LPP: variants seen among roughly 807,000 people sequenced by gnomAD.
LPP encodes the protein LIM domain containing preferred translocation partner in lipoma.
A neutral mutation model predicts 60.4 loss-of-function variants in LPP; 38 were observed. That is an observed-to-expected ratio of 0.63 (90% CI 0.49 to 0.83). LPP has a LOEUF of 0.83. Among genes scored for constraint, LPP ranks in the 40% least tolerant of loss-of-function variants. LPP has a pLI of 0.00. For missense variants in LPP, 902 were observed against 783.6 expected, an observed-to-expected ratio of 1.15 and a Z score of -1.80; for synonymous variants, 328 against 290.8, an observed-to-expected ratio of 1.13 and a Z score of -1.30.
intron 9 of LPP, among the ~76,000 whole-genome samples, chr3:188,807,455 G>C (rs1749511719): frequency 6.6e-6 from 1 of 151,524 alleles, no homozygotes; most frequent in African/African-American, 2.4e-5. Context: ...ATTTTGTTTT[G>C]GTGGTTTGTT....
At chr3:188,446,374 T>A (rs1467959940) in intron 4 of LPP, among the ~76,000 whole-genome samples, 1 of 152,212 alleles carries the variant, frequency 6.6e-6, no homozygotes, top group African/African-American at 2.4e-5. Flanking sequence ...GCCCTCAAGG[T>A]CAAAACATCA....
At chr3:188,813,064 A>G (rs1438941237) in intron 9 of LPP, among the ~76,000 whole-genome samples, 3 of 152,128 alleles carry the variant, frequency 2.0e-5, no homozygotes, top group Non-Finnish European at 4.4e-5. Flanking sequence ...ATTTTCCCCA[A>G]TTCCTGGAGC....
At chr3:188,277,236 G>T (rs149991359) in intron 2 of LPP, among the ~76,000 whole-genome samples, 1 of 151,984 alleles carries the variant, frequency 6.6e-6, no homozygotes, top group Non-Finnish European at 1.5e-5. Flanking sequence ...CCAATCTCGG[G>T]TATTTCTTTA....
intron 2 of LPP, among the ~76,000 whole-genome samples, chr3:188,234,214 G>A (rs1001154370): frequency 2.6e-4 from 39 of 152,162 alleles, no homozygotes; most frequent in Non-Finnish European, 4.4e-5. Context: ...GAGGAATGGG[G>A]TAAGGGGTTT....
intron 1 of LPP, among the ~76,000 whole-genome samples, chr3:188,177,759 C>G (rs1022273362): frequency 6.6e-6 from 1 of 152,098 alleles, no homozygotes; most frequent in Non-Finnish European, 1.5e-5. Flanking sequence ...AAGAGAAGTG[C>G]ACAGTGTTTT....
At position 188,727,374 on chromosome 3, in the gene LPP, A is replaced by G. The variant is rs551313023; in HGVS notation, c.1240+18981A>G. Among the ~76,000 whole-genome samples, 9 of 152,344 alleles carry G rather than the reference A, an allele frequency of 5.9e-5. 1 individual carries two copies. The highest frequency in any genetic ancestry group is 4.6e-4 in the Admixed American group (7 of 15,290). On this transcript the variant is annotated intron_variant, in intron 8 of 11. Coordinates refer to ENST00000617246, the MANE Select transcript of LPP (RefSeq NM_001375462.1). Reference sequence around the variant, plus strand: ...CTACTTAGGTTTTGTGTATTTGAACATAAACTTCAGACCAATTTCTGGTGA... The same window carrying G: ...CTACTTAGGTTTTGTGTATTTGAACGTAAACTTCAGACCAATTTCTGGTGA...
At chr3:188,343,837 G>T (rs943463416) in intron 3 of LPP, among the ~76,000 whole-genome samples, 9 of 152,108 alleles carry the variant, frequency 5.9e-5, no homozygotes, top group African/African-American at 2.2e-4. Flanking sequence ...TAATCCTGTG[G>T]CAATAATTGG....
chr3:188,880,683 T>C lies in LPP; in HGVS notation c.*6204T>C, dbSNP rs1769862193. ...TGGGCATTTATGTAACATACCCAAATAAAAACGTTATTAAACAGCCACAAT... is the reference window on the plus strand; with the variant it reads ...TGGGCATTTATGTAACATACCCAAACAAAAACGTTATTAAACAGCCACAAT... On this transcript the variant is annotated 3_prime_UTR_variant, in exon 12 of 12. Coordinates refer to ENST00000617246, the MANE Select transcript of LPP (RefSeq NM_001375462.1). 5.4e-6 allele frequency: 1 copy of C among 185,932 alleles called. No individual in the cohort carries two copies. The highest frequency in any genetic ancestry group is 1.1e-5 in the Non-Finnish European group (1 of 87,968). The allele number at this position is 185,932 out of a possible 1,614,324, so 11.5% of individuals were successfully genotyped here. A position where few individuals can be genotyped will look rare whatever the true frequency, so the allele number is the denominator to read the frequency against.
At chr3:188,389,399 C>T (rs929198232) in intron 3 of LPP, among the ~76,000 whole-genome samples, 6 of 152,128 alleles carry the variant, frequency 3.9e-5, no homozygotes, top group South Asian at 2.1e-4. Flanking sequence ...CTAACCTGAC[C>T]GCTTGACAGT....
At chr3:188,726,803 G>A (rs1718572728) in intron 8 of LPP, among the ~76,000 whole-genome samples, 1 of 152,158 alleles carries the variant, frequency 6.6e-6, no homozygotes, top group Non-Finnish European at 1.5e-5. Context: ...GCACATAGAT[G>A]TAGGCATAAT....
At chr3:188,161,036 C>T (rs946241280) in intron 1 of LPP, among the ~76,000 whole-genome samples, 1 of 152,080 alleles carries the variant, frequency 6.6e-6, no homozygotes, top group Non-Finnish European at 1.5e-5. Flanking sequence ...GGCCTGAGGC[C>T]TAAAAGTATT....
At chr3:188,802,714 G>T (rs1747664891) in intron 9 of LPP, among the ~76,000 whole-genome samples, 1 of 152,082 alleles carries the variant, frequency 6.6e-6, no homozygotes. Context: ...AACCCGGGAG[G>T]TGGAAGTTGC....
At position 188,886,987 on chromosome 3, in the gene LPP, T is replaced by C. The variant is rs897251439; in HGVS notation, c.*12508T>C. ...ACAGGTATTTATCTCTCATGCGTGA[T>C]TCTCTCTTTATATTTCTATCTGTTG... On this transcript the variant is annotated 3_prime_UTR_variant, in exon 12 of 12. Transcript: ENST00000617246. 8.6e-6 allele frequency: 2 copies of C among 231,388 alleles called. No individual in the cohort carries two copies. Among genetic ancestry groups the C allele is most frequent in the African/African-American group, 4.4e-5 (2 of 45,228 alleles). The allele number at this position is 231,388 out of a possible 1,614,324, so 14.3% of individuals were successfully genotyped here.
intron 4 of LPP, among the ~76,000 whole-genome samples, chr3:188,444,639 C>T (rs747333994): frequency 3.3e-5 from 5 of 152,058 alleles, no homozygotes; most frequent in Admixed American, 6.6e-5. Flanking sequence ...CAAATGGGAT[C>T]TAATTAAACT....
chr3:188,375,586 A>T (rs1418261586), intron 3 of LPP, among the ~76,000 whole-genome samples: 10 of 149,322 alleles, frequency 6.7e-5, no homozygotes, highest in Admixed American at 6.7e-4. Context: ...CGTCTATTTG[A>T]TTCTTCTCTT....
intron 2 of LPP, among the ~76,000 whole-genome samples, chr3:188,276,054 G>A (rs932015729): frequency 8.5e-5 from 13 of 152,324 alleles, no homozygotes; most frequent in African/African-American, 2.6e-4. Flanking sequence ...CTGAACAGAA[G>A]TGTGACTTTA....
At position 188,811,351 on chromosome 3, in the gene LPP, T is replaced by C. The variant is rs916690108; in HGVS notation, c.1410+51069T>C. 2.8e-4 allele frequency among the ~76,000 whole-genome samples: 41 copies of C among 144,984 alleles called. No homozygotes were observed. In the South Asian group the frequency reaches 5.1e-3, roughly 18 times the overall value. Reference sequence around the variant, plus strand: ...AGCGAGAAAATGATTAAGTGCTGTATACACACACACACACACACACACACA... The same window carrying C: ...AGCGAGAAAATGATTAAGTGCTGTACACACACACACACACACACACACACA... On this transcript the variant is annotated intron_variant, in intron 9 of 11. Coordinates refer to ENST00000617246, the MANE Select transcript of LPP (RefSeq NM_001375462.1).
chr3:188,565,658 T>C (rs1015001154), intron 6 of LPP, among the ~76,000 whole-genome samples: 7 of 152,002 alleles, frequency 4.6e-5, no homozygotes, highest in Non-Finnish European at 8.8e-5. Flanking sequence ...GTTTTTGTTT[T>C]TTCCTAAATA....
chr3:188,442,677 T>G (rs1418787069), intron 4 of LPP, among the ~76,000 whole-genome samples: 2 of 152,186 alleles, frequency 1.3e-5, no homozygotes, highest in African/African-American at 4.8e-5. Flanking sequence ...TGCTTTTCTG[T>G]TTTGATTATT....
Sources: gnomAD v4.1 joint callset for allele counts (sites outside exome capture counted in the v4.1 genomes callset) on GRCh38, gnomAD v4.1.1 for gene constraint, MANE v1.5 for transcripts, NCBI Gene and HGNC (gene_info 2026-07-23, HGNC 2026-07-21) for gene names.